The following CACNA1D variants were observed in gnomAD, a reference collection of about 807,000 sequenced individuals.
CACNA1D encodes calcium voltage-gated channel subunit alpha1 D, also known as voltage-dependent L-type calcium channel subunit alpha-1D.
A neutral mutation model predicts 257.1 loss-of-function variants in CACNA1D; 55 were observed. The ratio of observed to expected loss-of-function variants is 0.21; its 90% CI spans 0.17 to 0.27. CACNA1D has a LOEUF of 0.27. Ranked by LOEUF, CACNA1D falls within the 10% of genes least tolerant of loss-of-function variation. The pLI is 1.00. For missense variants in CACNA1D, 1,876 were observed against 2,784.0 expected (o/e 0.67, Z 7.34); for synonymous variants, 980 against 1,014.9 (o/e 0.97, Z 0.65).
intron 3 of CACNA1D, among the ~76,000 whole-genome samples, chr3:53,513,000 A>G (rs1448807255): frequency 6.6e-6 from 1 of 152,240 alleles, no homozygotes; most frequent in Non-Finnish European, 1.5e-5. Context: ...GCCAGGGCAC[A>G]GGCCAGCGGA....
At position 53,738,087 on chromosome 3, in the gene CACNA1D, G is replaced by A. The variant is rs549607129; in HGVS notation, c.2752-2193G>A. Among the ~76,000 whole-genome samples the A allele has an allele frequency of 7.9e-4, 120 of 152,324 alleles. 1 individual carries two copies. Among genetic ancestry groups the A allele is most frequent in the African/African-American group, 2.7e-3 (113 of 41,578 alleles). On this transcript the variant is annotated intron_variant, in intron 20 of 47. Coordinates refer to ENST00000350061, the MANE Select transcript of CACNA1D (RefSeq NM_001128840.3). ...GTTTCAGGTTATTACCAAGAAACCC[G>A]ACCAGCAGAGGGAGGCTGGCGAGTG...
chr3:53,594,187 G>A (rs2093342990), intron 3 of CACNA1D, among the ~76,000 whole-genome samples: 1 of 152,212 alleles, frequency 6.6e-6, no homozygotes, highest in Admixed American at 6.5e-5. Context: ...GTTCGTCTTA[G>A]CGACAAAAGT....
chr3:53,599,497 A>C (rs1005561863), intron 3 of CACNA1D, among the ~76,000 whole-genome samples: 2 of 152,180 alleles, frequency 1.3e-5, no homozygotes, highest in African/African-American at 4.8e-5. Context: ...ATTAAAAAAA[A>C]CAAAAGGGTT....
At chr3:53,588,698 T>C (rs564134777) in intron 3 of CACNA1D, among the ~76,000 whole-genome samples, 1 of 152,332 alleles carries the variant, frequency 6.6e-6, no homozygotes, top group African/African-American at 2.4e-5. Flanking sequence ...GCTTTCTTTT[T>C]TACCTTTCAG....
At position 53,808,527 on chromosome 3, in the gene CACNA1D, G is replaced by T. The variant is rs1055042478; in HGVS notation, c.5750-122G>T. 5.7e-6 allele frequency: 7 copies of T among 1,218,354 alleles called. No individual in the cohort carries two copies. In the Admixed American group the frequency reaches 6.8e-5, roughly 12 times the overall value. 75.5% of individuals were successfully genotyped at this position (1,218,354 alleles called of 1,614,324 possible). A position where few individuals can be genotyped will look rare whatever the true frequency, so the allele number is the denominator to read the frequency against. On this transcript the variant is annotated intron_variant, in intron 45 of 47. Transcript: ENST00000350061. ...GACCTCACTACCTAATCTTTCTCTT[G>T]GACAAACCGCATGCTTCTTCCTGGG...
At chr3:53,657,956 AT>A (rs1168112054) in intron 4 of CACNA1D, among the ~76,000 whole-genome samples, 2 of 152,266 alleles carry the variant, frequency 1.3e-5, no homozygotes, top group African/African-American at 4.8e-5. Context: ...GCCAACTCTT[AT>A]CCCATGCCTC....
intron 7 of CACNA1D, among the ~76,000 whole-genome samples, chr3:53,668,616 C>T (rs2094292819): frequency 6.6e-6 from 1 of 152,164 alleles, no homozygotes; most frequent in Non-Finnish European, 1.5e-5. Flanking sequence ...GACCATGGAA[C>T]ATTCCCCGAG....
intron 30 of CACNA1D, among the ~76,000 whole-genome samples, chr3:53,768,619 C>T (rs1239120209): frequency 6.6e-6 from 1 of 152,186 alleles, no homozygotes; most frequent in African/African-American, 2.4e-5. Flanking sequence ...GCAGAGTTCC[C>T]ATTCTGAGCA....
At chr3:53,709,514 A>G (rs2094726799) in intron 9 of CACNA1D, among the ~76,000 whole-genome samples, 1 of 152,192 alleles carries the variant, frequency 6.6e-6, no homozygotes. Context: ...AAGGATGCAC[A>G]TTTTAGGAAC....
intron 3 of CACNA1D, among the ~76,000 whole-genome samples, chr3:53,519,573 G>T (rs1575737594): frequency 6.6e-6 from 1 of 152,258 alleles, no homozygotes; most frequent in Middle Eastern, 3.4e-3. Flanking sequence ...AAGAATAACA[G>T]AATTAATTGG....
chr3:53,569,109 C>T (rs1378498930), intron 3 of CACNA1D, among the ~76,000 whole-genome samples: 1 of 152,208 alleles, frequency 6.6e-6, no homozygotes, highest in Non-Finnish European at 1.5e-5. Context: ...CCTGATTCTT[C>T]CTGGCCATTT....
At position 53,608,261 on chromosome 3, in the gene CACNA1D, A is replaced by G. The variant is rs539071670; in HGVS notation, c.484-42518A>G. ...ATCATTTGTTTCTGATGTTATTGTA[A>G]ATGGTATTTATTTCAATTTTCATTT... On this transcript the variant is annotated intron_variant, in intron 3 of 47. Coordinates refer to ENST00000350061, the MANE Select transcript of CACNA1D (RefSeq NM_001128840.3). Among the ~76,000 whole-genome samples the G allele has an allele frequency of 1.4e-3, 212 of 152,028 alleles. 3 individuals carry two copies. Among genetic ancestry groups the G allele is most frequent in the Non-Finnish European group, 1.5e-3 (101 of 67,974 alleles).
At chr3:53,581,903 A>G (rs2093139140) in intron 3 of CACNA1D, among the ~76,000 whole-genome samples, 1 of 152,244 alleles carries the variant, frequency 6.6e-6, no homozygotes, top group East Asian at 1.9e-4. Context: ...GCTCAGAATC[A>G]GGATAGCATC....
At position 53,718,402 on chromosome 3, in the gene CACNA1D, G is replaced by A. The variant is rs761248779; in HGVS notation, c.1478+14G>A. The stretch of plus-strand genomic sequence containing the variant: ...TGGAAGTCTCTGGTGAGTGTGGGGA[G>A]CACTTGCCCTCTTTCCCCTCCTGTT... On this transcript the variant is annotated intron_variant, in intron 10 of 47. Transcript: ENST00000350061. 17 of 1,607,346 alleles carry A rather than the reference G, an allele frequency of 1.1e-5. No homozygotes were observed. Among genetic ancestry groups the A allele is most frequent in the African/African-American group, 4.0e-5 (3 of 74,796 alleles).
chr3:53,605,655 C>T (rs979030827), intron 3 of CACNA1D, among the ~76,000 whole-genome samples: 1 of 152,152 alleles, frequency 6.6e-6, no homozygotes, highest in African/African-American at 2.4e-5. Flanking sequence ...CATGGCGATC[C>T]AAAATTTAAA....
At chr3:53,605,114 G>T (rs1367486834) in intron 3 of CACNA1D, among the ~76,000 whole-genome samples, 1 of 152,198 alleles carries the variant, frequency 6.6e-6, no homozygotes, top group African/African-American at 2.4e-5. Flanking sequence ...AGGTTATTCA[G>T]ATTTCCATAC....
intron 8 of CACNA1D, among the ~76,000 whole-genome samples, chr3:53,699,306 T>C: frequency 6.6e-6 from 1 of 152,232 alleles, no homozygotes; most frequent in East Asian, 1.9e-4. Flanking sequence ...CTTTGATAAT[T>C]TGAGAAAGCT....
At chr3:53,721,116 G>C (rs530342446) in intron 11 of CACNA1D, among the ~76,000 whole-genome samples, 1 of 152,310 alleles carries the variant, frequency 6.6e-6, no homozygotes, top group Non-Finnish European at 1.5e-5. Flanking sequence ...GCTGTGAGCG[G>C]GACAGTCTTT....
intron 7 of CACNA1D, among the ~76,000 whole-genome samples, chr3:53,672,755 ACT>A (rs1280325699): frequency 8.5e-5 from 6 of 70,632 alleles, no homozygotes; most frequent in Admixed American, 3.3e-4. Context: ...AGCCTTGATG[ACT>A]CTGTGTGTGT....
Sources: gnomAD v4.1 joint callset for allele counts (sites outside exome capture counted in the v4.1 genomes callset) on GRCh38, gnomAD v4.1.1 for gene constraint, MANE v1.5 for transcripts, NCBI Gene and HGNC (gene_info 2026-07-23, HGNC 2026-07-21) for gene names.